Variants in GAB2 observed in about 807,000 individuals in gnomAD.
The protein encoded by GAB2 is GRB2-associated-binding protein 2.
GAB2 carries 26 observed loss-of-function variants against 65.5 expected under a neutral mutation model. The observed-to-expected ratio is 0.40, with a 90% CI of 0.29 to 0.55. The LOEUF (loss-of-function observed/expected upper bound fraction) is 0.55, where lower values mean the gene tolerates loss of function less well. Ranked by LOEUF, GAB2 falls within the 20% of genes least tolerant of loss-of-function variation. The probability of loss-of-function intolerance (pLI) is 0.53; values close to 1 mark genes in which losing one functional copy is unlikely to be tolerated. For missense variants in GAB2, 884 were observed against 875.8 expected (o/e 1.01, Z -0.12); for synonymous variants, 321 against 329.6 (o/e 0.97, Z 0.28).
At chr11:78,270,156 G>A (rs764444509) in intron 2 of GAB2, among the ~76,000 whole-genome samples, 37 of 152,062 alleles carry the variant, frequency 2.4e-4, no homozygotes, top group Non-Finnish European at 3.2e-4. Context: ...GTGAAACCCC[G>A]TTTCTACTAA....
chr11:78,249,614 TG>T (rs1002573476), intron 3 of GAB2, among the ~76,000 whole-genome samples: 3 of 152,244 alleles, frequency 2.0e-5, no homozygotes, highest in African/African-American at 7.2e-5. Context: ...CTGTGCTGTC[TG>T]GTACAGTAGC....
intron 3 of GAB2, among the ~76,000 whole-genome samples, chr11:78,236,061 GTCT>G (rs1864972457): frequency 6.6e-6 from 1 of 152,082 alleles, no homozygotes; most frequent in Non-Finnish European, 1.5e-5. Context: ...ATAATAATAG[GTCT>G]TCTAGTTCAT....
chr11:78,367,941 C>T (rs181768378), intron 1 of GAB2, among the ~76,000 whole-genome samples: 3 of 151,534 alleles, frequency 2.0e-5, no homozygotes, highest in South Asian at 4.2e-4. Context: ...CTCAGCCTCC[C>T]GAGTAGCTGG....
In GAB2 at chr11:78,373,176, T is replaced by C. The variant is rs540356662; in HGVS notation, c.75+44470A>G. 1.3e-3 allele frequency among the ~76,000 whole-genome samples: 191 copies of C among 152,214 alleles called. 7 individuals carry two copies. In the South Asian group the frequency reaches 0.038, roughly 31 times the overall value. ...TGTACATGTTTATGGAGCAAACAAC[T>C]CTTCTCTGTTCTATACATTATATAT... On this transcript the variant is annotated intron_variant, in intron 1 of 9. Coordinates refer to ENST00000361507, the MANE Select transcript of GAB2 (RefSeq NM_080491.3).
At chr11:78,224,687 G>A (rs960871852) in intron 5 of GAB2, among the ~76,000 whole-genome samples, 2 of 152,154 alleles carry the variant, frequency 1.3e-5, no homozygotes, top group East Asian at 1.9e-4. Flanking sequence ...AGGGCAGCCT[G>A]GGATCCTGCA....
chr11:78,220,387 T>G lies in GAB2; in HGVS notation c.1819A>C (p.Lys607Gln). 1 of 1,612,542 alleles carries G rather than the reference T, an allele frequency of 6.2e-7. No individual in the cohort carries two copies. Among genetic ancestry groups the G allele is most frequent in the Non-Finnish European group, 8.5e-7 (1 of 1,178,998 alleles). ...AGATAATCAACGCTGCCGGTGCTCT[T>G]CTTAGGGGCAGGACTGTTCGTGCCA... ...PSGTNSPAPK[K>Q]STGSVDYLAL... The change falls in exon 9 of 10, where the codon AAG becomes CAG. Residue 607 changes from lysine (K) to glutamine (Q), a missense_variant. Transcript: ENST00000361507.
At chr11:78,344,494 T>G (rs1438269135) in intron 1 of GAB2, among the ~76,000 whole-genome samples, 1 of 152,262 alleles carries the variant, frequency 6.6e-6, no homozygotes, top group Admixed American at 6.5e-5. Flanking sequence ...TGGAATATTC[T>G]CTTTTAAATA....
chr11:78,323,892 G>T (rs1855775386), intron 1 of GAB2, among the ~76,000 whole-genome samples: 1 of 145,598 alleles, frequency 6.9e-6, no homozygotes, highest in Non-Finnish European at 1.5e-5. Flanking sequence ...CCGCCTCCCG[G>T]GTTCAAGCAA....
Position 78,300,702 on chromosome 11 carries a change from T to TTG in GAB2, c.76-19802_76-19801insCA, listed in dbSNP as rs1554985610. ...TTTTTTTGGTTTTTTTTTGTTTTTT[T>TTG]TTTTTTTTTTGAGACAGAGCCTCAC... On this transcript the variant is annotated intron_variant, in intron 1 of 9. Transcript: ENST00000361507. 2.9e-4 allele frequency among the ~76,000 whole-genome samples: 42 copies of TTG among 142,838 alleles called. No individual in the cohort carries two copies. In the South Asian group the frequency reaches 8.2e-3, roughly 28 times the overall value. The allele number at this position is 142,838 out of a possible 152,430, so 93.7% of individuals were successfully genotyped here.
intron 2 of GAB2, among the ~76,000 whole-genome samples, chr11:78,267,666 G>A (rs972902638): frequency 1.2e-4 from 18 of 151,696 alleles, no homozygotes; most frequent in Non-Finnish European, 2.1e-4. Context: ...AGACCATCCT[G>A]GCTAACATGG....
chr11:78,283,525 T>C (rs114733257), intron 1 of GAB2, among the ~76,000 whole-genome samples: 1,771 of 152,278 alleles, frequency 0.012, 29 homozygotes, highest in African/African-American at 0.039. Flanking sequence ...TCAAAGAGTA[T>C]TATATACTAC....
chr11:78,219,578 T>C (rs1864316331), intron 9 of GAB2, among the ~76,000 whole-genome samples, 163 bp from the exon 10 acceptor site: 1 of 152,136 alleles, frequency 6.6e-6, no homozygotes, highest in Admixed American at 6.5e-5. Flanking sequence ...TTTCTGAATG[T>C]GGGCTTTAAA....
intron 1 of GAB2, among the ~76,000 whole-genome samples, chr11:78,335,126 A>G (rs1855976802): frequency 6.6e-6 from 1 of 152,064 alleles, no homozygotes; most frequent in Non-Finnish European, 1.5e-5. Flanking sequence ...AACTCCTTAT[A>G]TTTTCTGGTT....
chr11:78,341,122 C>A (rs1158384663), intron 1 of GAB2, among the ~76,000 whole-genome samples: 2 of 152,220 alleles, frequency 1.3e-5, no homozygotes, highest in African/African-American at 4.8e-5. Flanking sequence ...TACTATCTTA[C>A]TTTACCCTGT....
chr11:78,219,116 G>T lies in GAB2; in HGVS notation c.*156C>A, dbSNP rs1009027607. ...TTGATCAGGCCCTCACCTCCCAGGG[G>T]AAGGGTTCAGGGTCCCTGATGTCAA... On this transcript the variant is annotated 3_prime_UTR_variant, in exon 10 of 10. Transcript: ENST00000361507. 1.5e-6 allele frequency: 1 copy of T among 676,984 alleles called. No homozygotes were observed. Among genetic ancestry groups the T allele is most frequent in the Non-Finnish European group, 2.5e-6 (1 of 407,994 alleles). 41.9% of individuals were successfully genotyped at this position (676,984 alleles called of 1,614,324 possible).
intron 2 of GAB2, among the ~76,000 whole-genome samples, chr11:78,258,166 G>A (rs1308472250): frequency 6.6e-6 from 1 of 152,182 alleles, no homozygotes; most frequent in Non-Finnish European, 1.5e-5. Context: ...TCTGGGAAAT[G>A]TAAATGCAGA....
At chr11:78,342,404 CTTTTTTT>C (rs143105179) in intron 1 of GAB2, among the ~76,000 whole-genome samples, 31 of 109,874 alleles carry the variant, frequency 2.8e-4, no homozygotes, top group Admixed American at 1.2e-3. Context: ...ACACTTTGCA[CTTTTTTT>C]TTTTTTTTTT....
chr11:78,290,119 A>G (rs532053295), intron 1 of GAB2, among the ~76,000 whole-genome samples: 2 of 152,346 alleles, frequency 1.3e-5, no homozygotes, highest in East Asian at 3.9e-4. Context: ...ATAAAAAATA[A>G]GAGACAAGAA....
At chr11:78,330,412 T>C (rs1201380949) in intron 1 of GAB2, among the ~76,000 whole-genome samples, 1 of 152,216 alleles carries the variant, frequency 6.6e-6, no homozygotes, top group African/African-American at 2.4e-5. Context: ...TTGGAGTTTT[T>C]CACAAGTATC....
Sources: allele counts gnomAD v4.1 joint callset (sites outside exome capture counted in the v4.1 genomes callset), GRCh38; gene constraint gnomAD v4.1.1; transcripts MANE v1.5; gene names NCBI Gene and HGNC (gene_info 2026-07-23, HGNC 2026-07-21).